Variants in NCOA2 observed in about 807,000 individuals in gnomAD.
NCOA2 encodes nuclear receptor coactivator 2.
In NCOA2, 21 loss-of-function variants were observed where a neutral mutation model predicts 145.1. That is an observed-to-expected ratio of 0.14 (90% CI 0.10 to 0.21). The LOEUF is 0.21. NCOA2 is among the 10% of genes least tolerant of loss of function. The pLI, the probability that NCOA2 is intolerant of heterozygous loss-of-function variation, is 1.00. For missense variants in NCOA2, 1,472 were observed against 1,837.6 expected, an observed-to-expected ratio of 0.80 and a Z score of 3.64; for synonymous variants, 619 against 637.5, an observed-to-expected ratio of 0.97 and a Z score of 0.44.
chr8:70,138,578 CA>C (rs1188405018), intron 14 of NCOA2, among the ~76,000 whole-genome samples: 1 of 152,022 alleles, frequency 6.6e-6, no homozygotes, highest in Non-Finnish European at 1.5e-5. Context: ...TTTAAATACT[CA>C]AAAAAGTTTT....
At chr8:70,253,604 A>G (rs535012700) in intron 2 of NCOA2, among the ~76,000 whole-genome samples, 1 of 152,290 alleles carries the variant, frequency 6.6e-6, no homozygotes, top group East Asian at 1.9e-4. Flanking sequence ...CCTCTCACAT[A>G]TATGGTCAAA....
At chr8:70,420,101 A>T in the NCOA2 span, among the ~76,000 whole-genome samples, 1 of 152,210 alleles carries the variant, frequency 6.6e-6, no homozygotes, top group Non-Finnish European at 1.5e-5. Flanking sequence ...TGTCTGGCAC[A>T]GGGCAGGTTT....
intron 12 of NCOA2, 138 bp downstream of exon 12, chr8:70,148,135 C>T (rs1811314946): frequency 2.6e-6 from 2 of 775,434 alleles, no homozygotes. Flanking sequence ...TTTCAAAAGA[C>T]CAGGACAGTA....
At chr8:70,294,080 A>C (rs1826903248) in intron 2 of NCOA2, among the ~76,000 whole-genome samples, 1 of 152,156 alleles carries the variant, frequency 6.6e-6, no homozygotes, top group African/African-American at 2.4e-5. Context: ...TATAATAATT[A>C]TATTTTTACA....
intron 2 of NCOA2, among the ~76,000 whole-genome samples, chr8:70,218,904 CT>C (rs1455453116): frequency 6.6e-6 from 1 of 152,106 alleles, no homozygotes; most frequent in African/African-American, 2.4e-5. Flanking sequence ...TATTCCCCCC[CT>C]CAAAAGCAAT....
At chr8:70,118,450 A>G (rs1270411684) in intron 22 of NCOA2, among the ~76,000 whole-genome samples, 1 of 152,130 alleles carries the variant, frequency 6.6e-6, no homozygotes, top group African/African-American at 2.4e-5. Flanking sequence ...CTCTAGGTAT[A>G]TACAGACAAC....
At chr8:70,280,103 C>T (rs1250158663) in intron 2 of NCOA2, among the ~76,000 whole-genome samples, 2 of 152,196 alleles carry the variant, frequency 1.3e-5, no homozygotes, top group Non-Finnish European at 2.9e-5. Context: ...ACCTTTCAAG[C>T]ATCTGCCATT....
chr8:70,378,016 T>C (rs1811833056), intron 1 of NCOA2, among the ~76,000 whole-genome samples: 1 of 152,122 alleles, frequency 6.6e-6, no homozygotes, highest in Non-Finnish European at 1.5e-5. Flanking sequence ...AAGCAGAAAA[T>C]TTCACCCAAG....
chr8:70,113,665 G>C (rs765840695), intron 22 of NCOA2, 22 bp from the exon 23 acceptor site: 3 of 1,550,858 alleles, frequency 1.9e-6, no homozygotes, highest in East Asian at 4.9e-5. Context: ...CAGATAAAAA[G>C]TTGTGAAACA....
chr8:70,236,530 T>C (rs896988599), intron 2 of NCOA2, among the ~76,000 whole-genome samples: 26 of 152,132 alleles, frequency 1.7e-4, no homozygotes, highest in African/African-American at 6.0e-4. Flanking sequence ...CTCCCACTCA[T>C]CTTTAAGACC....
At chr8:70,324,636 A>C (rs1806392543) in intron 1 of NCOA2, among the ~76,000 whole-genome samples, 1 of 152,186 alleles carries the variant, frequency 6.6e-6, no homozygotes, top group Non-Finnish European at 1.5e-5. Context: ...ACCCCAAAAA[A>C]AAAAAGGTAC....
chr8:70,259,844 G>A (rs528136807), intron 2 of NCOA2, among the ~76,000 whole-genome samples: 1 of 152,258 alleles, frequency 6.6e-6, no homozygotes, highest in South Asian at 2.1e-4. Flanking sequence ...GCACATAAAA[G>A]TCTTATAACT....
At chr8:70,308,380 C>T (rs1828050017) in intron 1 of NCOA2, among the ~76,000 whole-genome samples, 1 of 151,970 alleles carries the variant, frequency 6.6e-6, no homozygotes, top group Admixed American at 6.6e-5. Context: ...TAAATAGAAA[C>T]ATGAAATCAT....
In NCOA2 at chr8:70,113,167, T is replaced by A. The variant is rs186479445; in HGVS notation, c.*465A>T. The A allele has an allele frequency of 8.4e-4, 182 of 217,186 alleles. 1 individual carries two copies. The highest frequency in any genetic ancestry group is 3.1e-3 in the Middle Eastern group (2 of 650). 13.5% of individuals were successfully genotyped at this position (217,186 alleles called of 1,614,324 possible). On this transcript the variant is annotated 3_prime_UTR_variant, in exon 23 of 23. Transcript: ENST00000452400. The stretch of plus-strand genomic sequence containing the variant: ...TTAAAACATCTTTAGTTTAATTTTT[T>A]AAAAAATTCTTTTCTTTCCCCCAGA...
chr8:70,337,122 T>C (rs1459108555), intron 1 of NCOA2, among the ~76,000 whole-genome samples: 1 of 152,200 alleles, frequency 6.6e-6, no homozygotes, highest in East Asian at 1.9e-4. Context: ...TTAATGTTTT[T>C]GAATACCTGG....
intron 11 of NCOA2, among the ~76,000 whole-genome samples, chr8:70,152,233 ATTTC>A (rs1476936645): frequency 5.9e-5 from 9 of 152,180 alleles, no homozygotes; most frequent in African/African-American, 1.4e-4. Context: ...ATCAGACTTG[ATTTC>A]TTTAATTTTT....
intron 2 of NCOA2, among the ~76,000 whole-genome samples, chr8:70,250,274 TCCAGCTA>T (rs1266961441): frequency 1.3e-5 from 2 of 150,636 alleles, no homozygotes; most frequent in Admixed American, 1.3e-4. Flanking sequence ...CACTTGTAGC[TCCAGCTA>T]CTCAGGAGGC....
the NCOA2 span, among the ~76,000 whole-genome samples, chr8:70,437,201 C>T: frequency 6.6e-6 from 1 of 152,194 alleles, no homozygotes. Context: ...TATGTAACTC[C>T]TAATTATCCT....
Position 70,376,669 on chromosome 8 carries a change from T to C in NCOA2, c.-77+27031A>G, listed in dbSNP as rs570758693. 1.3e-3 allele frequency among the ~76,000 whole-genome samples: 196 copies of C among 152,164 alleles called. 1 individual carries two copies. Among genetic ancestry groups the C allele is most frequent in the Admixed American group, 5.6e-3 (85 of 15,300 alleles). ...AGATCTATGGTTGAATGGTTTACTT[T>C]ATTCTAAAATTTCCATAAAAATAGA... On this transcript the variant is annotated intron_variant, in intron 1 of 22. Coordinates refer to ENST00000452400, the MANE Select transcript of NCOA2 (RefSeq NM_006540.4).
Sources: gnomAD v4.1 joint callset for allele counts (sites outside exome capture counted in the v4.1 genomes callset) on GRCh38, gnomAD v4.1.1 for gene constraint, MANE v1.5 for transcripts, NCBI Gene and HGNC (gene_info 2026-07-23, HGNC 2026-07-21) for gene names.